The following TIAM1 variants were observed in gnomAD, a reference collection of about 807,000 sequenced individuals.
The protein encoded by TIAM1 is TIAM Rac1 associated GEF 1, also known as rho guanine nucleotide exchange factor TIAM1.
In TIAM1, 65 loss-of-function variants were observed where a neutral mutation model predicts 163.5. The observed-to-expected ratio is 0.40, with a 90% confidence interval of 0.33 to 0.49. The LOEUF (loss-of-function observed/expected upper bound fraction) is 0.49, where lower values mean the gene tolerates loss of function less well. Among genes scored for constraint, TIAM1 ranks in the 20% least tolerant of loss-of-function variants. The pLI, the probability that TIAM1 is intolerant of heterozygous loss-of-function variation, is 0.77. For missense variants in TIAM1, 1,789 were observed against 2,044.7 expected, an observed-to-expected ratio of 0.87 and a Z score of 2.41; for synonymous variants, 833 against 810.1, an observed-to-expected ratio of 1.03 and a Z score of -0.48.
At chr21:31,472,330 C>G (rs766489804) in intron 1 of TIAM1, among the ~76,000 whole-genome samples, 1 of 152,014 alleles carries the variant, frequency 6.6e-6, no homozygotes, top group East Asian at 1.9e-4. Context: ...AGTTTGAGAC[C>G]GGCCTGGCCA....
chr21:31,177,005 AGGTAATTCACCT>A (rs2084793425), intron 15 of TIAM1, among the ~76,000 whole-genome samples: 1 of 152,314 alleles, frequency 6.6e-6, no homozygotes, highest in East Asian at 1.9e-4. Context: ...CTTAGTTATC[AGGTAATTCACCT>A]GTTGCAGACT....
chr21:31,543,624 G>A (rs972336532), intron 1 of TIAM1, among the ~76,000 whole-genome samples: 11 of 152,234 alleles, frequency 7.2e-5, no homozygotes, highest in African/African-American at 2.7e-4. Context: ...AGAAGAGGAG[G>A]TAGATTTTGA....
At chr21:31,531,631 G>C (rs1352474271) in intron 1 of TIAM1, among the ~76,000 whole-genome samples, 7 of 152,124 alleles carry the variant, frequency 4.6e-5, no homozygotes, top group African/African-American at 1.7e-4. Flanking sequence ...GGATCAAAGA[G>C]GACCCAGAGA....
chr21:31,379,120 C>T (rs1429064795), intron 2 of TIAM1, among the ~76,000 whole-genome samples: 1 of 152,142 alleles, frequency 6.6e-6, no homozygotes, highest in African/African-American at 2.4e-5. Flanking sequence ...TACAGGCACC[C>T]GCCACCACAC....
chr21:31,228,220 TAAAAAAAAAAAAAAAAAA>T (rs71191197), intron 6 of TIAM1, among the ~76,000 whole-genome samples: 494 of 16,276 alleles, frequency 0.03, 24 homozygotes, highest in African/African-American at 0.05. Context: ...CTCCTTTTTT[TAAAAAAAAAAAAAAAAAA>T]AAAAAAAAAA....
At chr21:31,402,459 C>T (rs896855348) in intron 2 of TIAM1, among the ~76,000 whole-genome samples, 9 of 152,098 alleles carry the variant, frequency 5.9e-5, no homozygotes, top group Non-Finnish European at 1.2e-4. Context: ...CTGAGAGATG[C>T]AGGACCAACG....
chr21:31,476,021 C>T (rs1274127036), intron 1 of TIAM1, among the ~76,000 whole-genome samples: 5 of 152,196 alleles, frequency 3.3e-5, no homozygotes, highest in Non-Finnish European at 2.9e-5. Context: ...AATGATAAAA[C>T]ATCAGCACTT....
In TIAM1 at chr21:31,118,526, CTTTTGACATA is replaced by C. The variant is rs1333423922; in HGVS notation, c.*1832_*1841del. The stretch of plus-strand genomic sequence containing the variant: ...AGCTTATAAAAGAAATATATAAGAA[CTTTTGACATA>C]GACACGTCATGACCTTATGTACAAG... On this transcript the variant is annotated 3_prime_UTR_variant, in exon 28 of 28. Transcript: ENST00000541036. 2.2e-6 allele frequency: 1 copy of C among 459,370 alleles called. No individual in the cohort carries two copies. The highest frequency in any genetic ancestry group is 7.0e-5 in the East Asian group (1 of 14,238). 28.5% of individuals were successfully genotyped at this position (459,370 alleles called of 1,614,324 possible). A position where few individuals can be genotyped will look rare whatever the true frequency, so the allele number is the denominator to read the frequency against.
intron 3 of TIAM1, among the ~76,000 whole-genome samples, chr21:31,271,033 C>T (rs553875600): frequency 6.6e-6 from 1 of 152,298 alleles, no homozygotes; most frequent in South Asian, 2.1e-4. Context: ...TTTCTTACCC[C>T]TCTTCTTTTG....
At chr21:31,186,487 G>A (rs906748760) in intron 14 of TIAM1, among the ~76,000 whole-genome samples, 8 of 152,100 alleles carry the variant, frequency 5.3e-5, no homozygotes, top group African/African-American at 1.9e-4. Context: ...CCAGCCCCAG[G>A]GTAATGGGCT....
chr21:31,269,260 T>C (rs1478905035), intron 3 of TIAM1, among the ~76,000 whole-genome samples: 1 of 152,214 alleles, frequency 6.6e-6, no homozygotes, highest in African/African-American at 2.4e-5. Context: ...ATGGGTCTGT[T>C]ATATTAATAG....
intron 1 of TIAM1, among the ~76,000 whole-genome samples, chr21:31,534,464 T>A (rs2048064526): frequency 6.6e-6 from 1 of 151,996 alleles, no homozygotes; most frequent in African/African-American, 2.4e-5. Flanking sequence ...TCACCCAAGG[T>A]CAGGAGTTCA....
intron 2 of TIAM1, among the ~76,000 whole-genome samples, chr21:31,287,408 A>G (rs142936337): frequency 4.6e-5 from 7 of 152,320 alleles, no homozygotes; most frequent in Non-Finnish European, 7.3e-5. Flanking sequence ...TTTATGATGC[A>G]TATAATCTGG....
At chr21:31,470,001 A>AT (rs540154867) in intron 1 of TIAM1, among the ~76,000 whole-genome samples, 12,636 of 136,512 alleles carry the variant, frequency 0.093, 1,361 homozygotes, top group East Asian at 0.54. Context: ...AAAACCTTGA[A>AT]TTTTTTTTTT....
intron 2 of TIAM1, among the ~76,000 whole-genome samples, chr21:31,450,909 C>T (rs516309): frequency 0.22 from 33,630 of 151,936 alleles, 3,908 homozygotes; most frequent in South Asian, 0.27. Flanking sequence ...GTGGGAATTA[C>T]GGGAGCTACA....
intron 6 of TIAM1, among the ~76,000 whole-genome samples, chr21:31,244,531 C>A (rs778533242): frequency 4.6e-5 from 7 of 152,190 alleles, no homozygotes; most frequent in Non-Finnish European, 8.8e-5. Context: ...TCGAGACCAG[C>A]CTGACCAATA....
chr21:31,308,900 A>G (rs1209419686), intron 2 of TIAM1, among the ~76,000 whole-genome samples: 1 of 152,202 alleles, frequency 6.6e-6, no homozygotes, highest in East Asian at 1.9e-4. Flanking sequence ...ACAGCAAACT[A>G]AAGGCTGGGA....
intron 13 of TIAM1, among the ~76,000 whole-genome samples, chr21:31,192,601 A>C (rs2085615627): frequency 6.6e-6 from 1 of 151,268 alleles, no homozygotes; most frequent in Non-Finnish European, 1.5e-5. Flanking sequence ...ACAGAGGGAA[A>C]CTGTGTCTTA....
chr21:31,213,613 G>T, intron 9 of TIAM1, 141 bp from the exon 10 acceptor site: 1 of 704,460 alleles, frequency 1.4e-6, no homozygotes, highest in Non-Finnish European at 2.5e-6. Context: ...TCCCAAAGCA[G>T]GTACAATAAT....
Sources: allele counts gnomAD v4.1 joint callset (sites outside exome capture counted in the v4.1 genomes callset), GRCh38; gene constraint gnomAD v4.1.1; transcripts MANE v1.5; gene names NCBI Gene and HGNC (gene_info 2026-07-23, HGNC 2026-07-21).